The following ARHGEF11 variants were observed in gnomAD, a reference collection of about 807,000 sequenced individuals.
ARHGEF11 encodes the protein Rho guanine nucleotide exchange factor 11.
Under a neutral mutation model 193.7 loss-of-function variants are expected in ARHGEF11, and 55 were observed. The observed-to-expected ratio is 0.28, with a 90% CI of 0.23 to 0.36. The LOEUF is 0.36. Ranked by LOEUF, ARHGEF11 falls within the 10% of genes least tolerant of loss-of-function variation. The pLI, the probability that ARHGEF11 is intolerant of heterozygous loss-of-function variation, is 1.00. For synonymous variants in ARHGEF11, 693 were observed against 768.0 expected, an observed-to-expected ratio of 0.90 and a Z score of 1.62; for missense variants, 1,723 against 2,005.6, an observed-to-expected ratio of 0.86 and a Z score of 2.69.
chr1:157,046,078 C>T (rs1469895253), upstream of ARHGEF11, among the ~76,000 whole-genome samples: 1 of 151,178 alleles, frequency 6.6e-6, no homozygotes, highest in African/African-American at 2.4e-5. Context: ...AACCCTTTGC[C>T]GTCGCTCCTC....
Position 156,941,792 on chromosome 1 carries a change from G to T in ARHGEF11, c.3452+72C>A, listed in dbSNP as rs200126872. On this transcript the variant is annotated intron_variant, in intron 34 of 40. Coordinates refer to ENST00000368194, the MANE Select transcript of ARHGEF11 (RefSeq NM_198236.3). The stretch of plus-strand genomic sequence containing the variant: ...TGGCTGTCTACCCACGGGGGCGAAG[G>T]GCTTAAAAGCAGCAGGAAACAGGAG... The T allele has an allele frequency of 2.5e-4, 379 of 1,530,150 alleles. No homozygotes were observed. The Middle Eastern group carries it at 5.8e-3, about 24-fold the overall frequency. 94.8% of individuals were successfully genotyped at this position (1,530,150 alleles called of 1,614,324 possible).
chr1:157,045,856 C>T (rs1172038922), upstream of ARHGEF11, among the ~76,000 whole-genome samples: 1 of 151,118 alleles, frequency 6.6e-6, no homozygotes, highest in Admixed American at 6.6e-5. Flanking sequence ...TCCCTGCGAG[C>T]CTTTCTCCTT....
At position 156,935,801 on chromosome 1, in the gene ARHGEF11, A is replaced by C; in HGVS notation, c.*199T>G. On this transcript the variant is annotated 3_prime_UTR_variant, in exon 41 of 41. Transcript: ENST00000368194. ...CTTGGAGGGTTGGGCTAAGGGAGGG[A>C]AAAGACACTGAAACCTGACTCCGAC... 1 of 603,198 alleles carries C rather than the reference A, an allele frequency of 1.7e-6. No homozygotes were observed. Among genetic ancestry groups the C allele is most frequent in the Non-Finnish European group, 2.9e-6 (1 of 345,760 alleles). The allele number at this position is 603,198 out of a possible 1,614,324, so 37.4% of individuals were successfully genotyped here.
chr1:156,950,455 G>GT (rs1406056583), intron 22 of ARHGEF11, among the ~76,000 whole-genome samples: 1 of 151,958 alleles, frequency 6.6e-6, no homozygotes, highest in African/African-American at 2.4e-5. Flanking sequence ...GGGCAACATA[G>GT]TGAGACTGTC....
intron 11 of ARHGEF11, among the ~76,000 whole-genome samples, chr1:156,963,983 C>T (rs1428038847): frequency 6.6e-6 from 1 of 152,202 alleles, no homozygotes; most frequent in African/African-American, 2.4e-5. Flanking sequence ...GCCACCCCTA[C>T]CCCAAACACA....
At chr1:157,015,092 A>T (rs1307407220) in intron 1 of ARHGEF11, among the ~76,000 whole-genome samples, 1 of 152,176 alleles carries the variant, frequency 6.6e-6, no homozygotes. Context: ...AATTCTGGCA[A>T]TCAATCTTGA....
Position 156,940,357 on chromosome 1 carries a change from T to C in ARHGEF11, c.3583A>G (p.Ser1195Gly). Residue 1195 changes from serine (S) to glycine (G), a missense_variant, in exon 36 of 41, where the codon AGT becomes GGT. Physicochemically the swap from Ser to Gly is moderately conservative, Grantham distance 56. This residue lies in a region of ARHGEF11 where 203 missense variants were observed against 237.3 expected (regional missense o/e 0.86). Transcript: ENST00000368194. ...ACACCCAGTTCCTCTTCCTCTGCAC[T>C]GCCCTCCTGCTCAGGGTCCTCTAGC... is the stretch of plus-strand genomic sequence containing the variant. The part of the protein sequence containing the change: ...VLLEDPEQEG[S>G]AEEEELGVLP... 1 of 1,613,828 alleles carries C rather than the reference T, an allele frequency of 6.2e-7. No individual in the cohort carries two copies. The highest frequency in any genetic ancestry group is 1.1e-5 in the South Asian group (1 of 90,982).
chr1:156,977,742 C>T (rs1663462245), intron 6 of ARHGEF11, among the ~76,000 whole-genome samples: 1 of 152,112 alleles, frequency 6.6e-6, no homozygotes, highest in Non-Finnish European at 1.5e-5. Flanking sequence ...TTTCTGGTCC[C>T]TCCCTCTACT....
At chr1:156,939,227 T>G in intron 37 of ARHGEF11, 1 of 357,160 alleles carries the variant, frequency 2.8e-6, no homozygotes, top group Non-Finnish European at 5.2e-6. Flanking sequence ...TGAGGAGCAC[T>G]AACAGAGACT....
Position 156,955,689 on chromosome 1 carries a change from C to T in ARHGEF11, c.1768+14G>A. 1 of 1,607,178 alleles carries T rather than the reference C, an allele frequency of 6.2e-7. No individual in the cohort carries two copies. Among genetic ancestry groups the T allele is most frequent in the Non-Finnish European group, 8.5e-7 (1 of 1,173,698 alleles). On this transcript the variant is annotated intron_variant, in intron 20 of 40. Coordinates refer to ENST00000368194, the MANE Select transcript of ARHGEF11 (RefSeq NM_198236.3). Reference sequence around the variant, plus strand: ...CCAAGGAATGCCCAAGGCTGTTGCTCCCCAAATACTCACTGCTTTGAGAAG... The same window carrying T: ...CCAAGGAATGCCCAAGGCTGTTGCTTCCCAAATACTCACTGCTTTGAGAAG...
At chr1:157,000,417 G>A (rs759333026) in intron 1 of ARHGEF11, among the ~76,000 whole-genome samples, 4 of 152,224 alleles carry the variant, frequency 2.6e-5, no homozygotes, top group South Asian at 2.1e-4. Context: ...TTGTATAAAC[G>A]GAGTTGTTAC....
chr1:157,013,253 C>A (rs1668759532), intron 1 of ARHGEF11, among the ~76,000 whole-genome samples: 1 of 34,336 alleles, frequency 2.9e-5, no homozygotes, highest in African/African-American at 8.4e-5. Context: ...TCATAACTCC[C>A]CACTATCACT....
At chr1:156,981,121 T>G (rs116283008) in intron 3 of ARHGEF11, among the ~76,000 whole-genome samples, 4,077 of 152,142 alleles carry the variant, frequency 0.027, 73 homozygotes, top group South Asian at 0.054. Context: ...CTGGATCTTC[T>G]GGGTTCAAGT....
chr1:156,964,908 C>T (rs973414123), intron 11 of ARHGEF11, among the ~76,000 whole-genome samples: 8 of 152,142 alleles, frequency 5.3e-5, no homozygotes, highest in South Asian at 2.1e-4. Flanking sequence ...TGCTTGTTTA[C>T]GGGGAGGATT....
At chr1:156,998,629 T>C (rs1666849209) in intron 1 of ARHGEF11, among the ~76,000 whole-genome samples, 1 of 152,208 alleles carries the variant, frequency 6.6e-6, no homozygotes, top group African/African-American at 2.4e-5. Context: ...GTGCTATTCT[T>C]TGCTGAAGCC....
At chr1:156,958,960 T>C (rs1660370798) in intron 16 of ARHGEF11, 86 bp downstream of exon 16, 3 of 1,607,486 alleles carry the variant, frequency 1.9e-6, no homozygotes, top group Non-Finnish European at 8.5e-7. Context: ...TAACAAGAGA[T>C]ATGTGCACGT....
At chr1:156,980,064 A>G (rs975102458) in intron 4 of ARHGEF11, among the ~76,000 whole-genome samples, 1 of 152,228 alleles carries the variant, frequency 6.6e-6, no homozygotes, top group Non-Finnish European at 1.5e-5. Flanking sequence ...CAGAATGGGC[A>G]AAGACCCCAG....
intron 1 of ARHGEF11, among the ~76,000 whole-genome samples, chr1:157,003,541 A>G (rs1667452220): frequency 6.6e-6 from 1 of 152,244 alleles, no homozygotes; most frequent in Admixed American, 6.5e-5. Context: ...CTATGAAAAT[A>G]TGTTTCATGA....
intron 1 of ARHGEF11, among the ~76,000 whole-genome samples, chr1:157,034,014 C>T (rs1022381324): frequency 6.6e-5 from 10 of 152,294 alleles, no homozygotes; most frequent in East Asian, 3.9e-4. Flanking sequence ...CCTAGCACTA[C>T]GATAAGTGAA....
Sources: gnomAD v4.1 joint callset for allele counts (sites outside exome capture counted in the v4.1 genomes callset) on GRCh38, gnomAD v4.1.1 for gene constraint, gnomAD v4.1.1 regional missense constraint, MANE v1.5 for transcripts, NCBI Gene and HGNC (gene_info 2026-07-23, HGNC 2026-07-21) for gene names.